Variants in SLC25A48 observed in about 807,000 individuals in gnomAD.
The protein encoded by SLC25A48 is solute carrier family 25 member 48.
SLC25A48 carries 29 observed loss-of-function variants against 32.2 expected under a neutral mutation model. The ratio of observed to expected loss-of-function variants is 0.90; its 90% CI spans 0.67 to 1.23. The LOEUF is 1.23. Among genes scored for constraint, SLC25A48 ranks in the 50% most tolerant of loss-of-function variants. The pLI is 0.00. For synonymous variants in SLC25A48, 164 were observed against 172.3 expected, an observed-to-expected ratio of 0.95 and a Z score of 0.38; for missense variants, 399 against 422.7, an observed-to-expected ratio of 0.94 and a Z score of 0.49.
intron 3 of SLC25A48, among the ~76,000 whole-genome samples, chr5:135,794,262 TC>T (rs1014721542): frequency 1.8e-4 from 28 of 151,604 alleles, no homozygotes; most frequent in Non-Finnish European, 1.5e-5. Flanking sequence ...ATGATGTTAC[TC>T]CCAATATTGC....
At chr5:135,695,490 A>G (rs1311371812) in intron 3 of SLC25A48, among the ~76,000 whole-genome samples, 3 of 152,216 alleles carry the variant, frequency 2.0e-5, no homozygotes, top group Admixed American at 1.3e-4. Flanking sequence ...TGCAGGTGGC[A>G]GGTTGCAATG....
At chr5:135,743,261 G>A (rs552547702) in intron 3 of SLC25A48, among the ~76,000 whole-genome samples, 2 of 149,814 alleles carry the variant, frequency 1.3e-5, no homozygotes, top group East Asian at 2.0e-4. Context: ...CAGTAGAGAC[G>A]GTGTTTCTTT....
chr5:135,748,285 G>A (rs11744040), intron 3 of SLC25A48, among the ~76,000 whole-genome samples: 61,736 of 152,068 alleles, frequency 0.41, 14,391 homozygotes, highest in Non-Finnish European at 0.52. Context: ...AGGGCAGGAT[G>A]CAAGTTATTC....
At chr5:135,795,158 C>T (rs989424342) in intron 3 of SLC25A48, among the ~76,000 whole-genome samples, 2 of 151,858 alleles carry the variant, frequency 1.3e-5, no homozygotes, top group African/African-American at 4.8e-5. Flanking sequence ...GATGTTATTA[C>T]TCCCAATATC....
At chr5:135,623,055 G>A (rs935807863) in intron 1 of SLC25A48, among the ~76,000 whole-genome samples, 8 of 152,156 alleles carry the variant, frequency 5.3e-5, no homozygotes, top group African/African-American at 9.7e-5. Context: ...TCCACTGGGC[G>A]CAAATGAAAT....
intron 3 of SLC25A48, among the ~76,000 whole-genome samples, chr5:135,719,071 G>A (rs185208768): frequency 1.1e-4 from 17 of 152,288 alleles, no homozygotes; most frequent in African/African-American, 4.1e-4. Context: ...TTATCACTGA[G>A]GAAAACTGGG....
chr5:135,757,541 A>G (rs1755946088), intron 3 of SLC25A48, among the ~76,000 whole-genome samples: 1 of 148,850 alleles, frequency 6.7e-6, no homozygotes. Context: ...ATAAAATATC[A>G]TCTATATATT....
At chr5:135,703,694 ACT>A (rs1200305288) in intron 3 of SLC25A48, among the ~76,000 whole-genome samples, 15 of 152,130 alleles carry the variant, frequency 9.9e-5, no homozygotes, top group Non-Finnish European at 2.1e-4. Context: ...CCTTTGAGGC[ACT>A]GACTGACACC....
rs1758111417 is a variant in SLC25A48 at position 135,828,104 on chromosome 5, G to A, written c.-116-14312G>A. 2.6e-5 allele frequency among the ~76,000 whole-genome samples: 4 copies of A among 152,232 alleles called. No individual in the cohort carries two copies. The South Asian group carries it at 8.3e-4, about 32-fold the overall frequency. On this transcript the variant is annotated intron_variant, in intron 4 of 10. Transcript: ENST00000646290. ...TACCTCCCCTGCTCATGGGGATGAA[G>A]AGACCCGCCAGAGGTTTCCCATGCT...
chr5:135,761,552 A>G (rs1023530998), intron 3 of SLC25A48, among the ~76,000 whole-genome samples: 2 of 152,210 alleles, frequency 1.3e-5, no homozygotes. Flanking sequence ...CCAAAAATGT[A>G]ACCATTACTG....
chr5:135,798,502 C>T (rs1757241554), intron 3 of SLC25A48, among the ~76,000 whole-genome samples: 1 of 151,496 alleles, frequency 6.6e-6, no homozygotes, highest in African/African-American at 2.4e-5. Flanking sequence ...TTACTAATAA[C>T]CGGGGGGGAG....
At chr5:135,868,673 CACAT>C (rs1211947109) in intron 4 of SLC25A48, among the ~76,000 whole-genome samples, 1 of 102,334 alleles carries the variant, frequency 9.8e-6, no homozygotes, top group African/African-American at 3.3e-5. Context: ...CACACACACA[CACAT>C]ACACACACAC....
At chr5:135,881,068 C>T (rs1762439031) in intron 7 of SLC25A48, among the ~76,000 whole-genome samples, 1 of 152,228 alleles carries the variant, frequency 6.6e-6, no homozygotes, top group African/African-American at 2.4e-5. Flanking sequence ...GGCCACTCAG[C>T]AGTGTCATCG....
chr5:135,860,374 A>T (rs1760680670), intron 4 of SLC25A48, among the ~76,000 whole-genome samples: 1 of 152,324 alleles, frequency 6.6e-6, no homozygotes, highest in Admixed American at 6.5e-5. Flanking sequence ...GCTATTAGAA[A>T]AGCAGTAGTT....
intron 7 of SLC25A48, among the ~76,000 whole-genome samples, chr5:135,883,636 C>T (rs1260167709): frequency 3.3e-5 from 5 of 152,164 alleles, no homozygotes; most frequent in South Asian, 2.1e-4. Context: ...TGCCTAAGGT[C>T]GGCAGCAGAG....
At chr5:135,669,685 A>G (rs904567289) in intron 3 of SLC25A48, among the ~76,000 whole-genome samples, 5 of 152,176 alleles carry the variant, frequency 3.3e-5, no homozygotes, top group Admixed American at 3.3e-4. Context: ...CTGTCCAAGA[A>G]TGTGCCTCAC....
intron 3 of SLC25A48, chr5:135,652,563 G>T: frequency 5.1e-6 from 2 of 393,592 alleles, no homozygotes; most frequent in South Asian, 1.9e-5. Flanking sequence ...AATGAAAGGT[G>T]CAGTCACTTA....
At chr5:135,794,507 C>G (rs1561496328) in intron 3 of SLC25A48, among the ~76,000 whole-genome samples, 1 of 151,756 alleles carries the variant, frequency 6.6e-6, no homozygotes, top group Non-Finnish European at 1.5e-5. Flanking sequence ...TGGGTGTACA[C>G]CTTACTTGTG....
In SLC25A48 at chr5:135,752,365, G is replaced by A. The variant is rs187014937; in HGVS notation, c.-520-60158G>A. ...GCAGGCAGATCACCTGAGGCCAGGA[G>A]TTCGAGACCAGCCTGGCCAACATAG... On this transcript the variant is annotated intron_variant, in intron 3 of 10. Transcript: ENST00000646290. 1.3e-3 allele frequency among the ~76,000 whole-genome samples: 191 copies of A among 152,324 alleles called. 1 individual carries two copies. Among genetic ancestry groups the A allele is most frequent in the Admixed American group, 2.5e-3 (39 of 15,302 alleles).
Sources: gnomAD v4.1 joint callset for allele counts (sites outside exome capture counted in the v4.1 genomes callset) on GRCh38, gnomAD v4.1.1 for gene constraint, MANE v1.5 for transcripts, NCBI Gene and HGNC (gene_info 2026-07-23, HGNC 2026-07-21) for gene names.